The following RCL1 variants were observed in gnomAD, a reference collection of about 807,000 sequenced individuals.
The protein encoded by RCL1 is RNA 3'-terminal phosphate cyclase-like protein.
A neutral mutation model predicts 42.4 loss-of-function variants in RCL1; 24 were observed. The observed-to-expected ratio is 0.57, with a 90% CI of 0.41 to 0.80. RCL1 has a LOEUF of 0.80. Among genes scored for constraint, RCL1 ranks in the 30% least tolerant of loss-of-function variants. The pLI, the probability that RCL1 is intolerant of heterozygous loss-of-function variation, is 0.00. For missense variants in RCL1, 578 were observed against 467.9 expected (o/e 1.24, Z -2.17); for synonymous variants, 228 against 177.3 (o/e 1.29, Z -2.27).
At chr9:4,832,122 C>T (rs1418920517) in intron 3 of RCL1, among the ~76,000 whole-genome samples, 4 of 152,208 alleles carry the variant, frequency 2.6e-5, no homozygotes, top group African/African-American at 9.6e-5. Flanking sequence ...GATTTGAATG[C>T]CATCTTTCTA....
chr9:4,856,848 C>T (rs374645743), intron 8 of RCL1, among the ~76,000 whole-genome samples: 2 of 152,288 alleles, frequency 1.3e-5, no homozygotes, highest in African/African-American at 4.8e-5. Context: ...TCTCTTAGCC[C>T]CTGATGCGCT....
At chr9:4,843,418 T>C (rs1817401039) in intron 6 of RCL1, among the ~76,000 whole-genome samples, 2 of 152,148 alleles carry the variant, frequency 1.3e-5, no homozygotes, top group African/African-American at 4.8e-5. Flanking sequence ...AGGAAAGCTG[T>C]GGAGGCTGGC....
At chr9:4,794,423 G>A (rs1467242741) in intron 1 of RCL1, among the ~76,000 whole-genome samples, 1 of 152,198 alleles carries the variant, frequency 6.6e-6, no homozygotes, top group Admixed American at 6.5e-5. Flanking sequence ...AAAACACTGA[G>A]AAAGTTAGGG....
chr9:4,839,400 C>G (rs904741158), intron 5 of RCL1: 5 of 152,212 alleles, frequency 3.3e-5, no homozygotes, highest in Admixed American at 2.0e-4. Flanking sequence ...TGGCCCTCAA[C>G]ACAGGGTTAC....
Position 4,844,657 on chromosome 9 carries a change from G to C in RCL1, c.843G>C (p.Arg281=), listed in dbSNP as rs1263870636. The change falls in exon 7 of 9, where the codon CGG becomes CGC. Residue 281 remains arginine, a synonymous_variant. Coordinates refer to ENST00000381750, the MANE Select transcript of RCL1 (RefSeq NM_005772.5). ...AGGACCTTGGCAGGAACTGTGCCCG[G>C]CTGCTGCTGGAGGAAATCTACAGGG... is the stretch of plus-strand genomic sequence containing the variant. The part of the protein sequence containing the change: ...LPEDLGRNCA[R]LLLEEIYRGG... 1 of 1,613,464 alleles carries C rather than the reference G, an allele frequency of 6.2e-7. No individual in the cohort carries two copies. The highest frequency in any genetic ancestry group is 8.5e-7 in the Non-Finnish European group (1 of 1,179,852).
intron 3 of RCL1, among the ~76,000 whole-genome samples, chr9:4,829,936 C>A (rs922437485): frequency 3.3e-5 from 5 of 152,206 alleles, no homozygotes; most frequent in Non-Finnish European, 7.3e-5. Flanking sequence ...TAAGCTTCCT[C>A]TCTGCCCTCT....
chr9:4,840,845 G>C (rs1391192535), intron 5 of RCL1, among the ~76,000 whole-genome samples: 1 of 152,110 alleles, frequency 6.6e-6, no homozygotes, highest in Non-Finnish European at 1.5e-5. Context: ...AGTGGGAATG[G>C]ACAGAGAATA....
chr9:4,806,064 T>TGTGTG (rs1219639380), intron 1 of RCL1, among the ~76,000 whole-genome samples: 3,320 of 139,130 alleles, frequency 0.024, 63 homozygotes, highest in South Asian at 0.074. Context: ...GTGTGTGTGT[T>TGTGTG]TGTGTGTGTA....
chr9:4,827,225 G>T (rs1233148640), intron 3 of RCL1, 192 bp downstream of exon 3: 7 of 1,517,256 alleles, frequency 4.6e-6, no homozygotes. Context: ...TCAAATTCAG[G>T]ACTATTGTTA....
intron 8 of RCL1, 88 bp from the exon 9 acceptor site, chr9:4,860,037 A>G (rs1818110207): frequency 1.1e-6 from 1 of 910,694 alleles, no homozygotes; most frequent in Non-Finnish European, 1.6e-6. Context: ...GGTCTGGGAG[A>G]TTAAAACCTT....
At chr9:4,836,081 T>G (rs1478229183) in intron 5 of RCL1, among the ~76,000 whole-genome samples, 1 of 152,050 alleles carries the variant, frequency 6.6e-6, no homozygotes, top group Non-Finnish European at 1.5e-5. Context: ...ATGGTAAAGA[T>G]GTGCCTTCAC....
At chr9:4,850,486 T>G (rs1322712364) in intron 8 of RCL1, 1 of 176,880 alleles carries the variant, frequency 5.7e-6, no homozygotes, top group Non-Finnish European at 1.2e-5. Context: ...TGGAGGCTTT[T>G]TTTTTTCTTT....
At chr9:4,795,899 G>A (rs891152925) in intron 1 of RCL1, among the ~76,000 whole-genome samples, 30 of 152,144 alleles carry the variant, frequency 2.0e-4, no homozygotes, top group Non-Finnish European at 1.5e-5. Flanking sequence ...CATGTAAGTA[G>A]GATGTTACTA....
intron 8 of RCL1, among the ~76,000 whole-genome samples, chr9:4,859,120 C>T (rs1818070369): frequency 6.6e-6 from 1 of 152,188 alleles, no homozygotes. Context: ...TGGGGTGACG[C>T]TAGGTCTGCC....
At chr9:4,817,861 A>C (rs960189543) in intron 1 of RCL1, among the ~76,000 whole-genome samples, 2 of 137,910 alleles carry the variant, frequency 1.5e-5, no homozygotes, top group African/African-American at 5.5e-5. Context: ...TTGGCTTGTA[A>C]TTTTGTTTCA....
intron 1 of RCL1, among the ~76,000 whole-genome samples, chr9:4,821,836 T>C (rs1816606987): frequency 6.6e-6 from 1 of 152,242 alleles, no homozygotes; most frequent in South Asian, 2.1e-4. Flanking sequence ...TCCACTCCTG[T>C]GATAATGGCA....
At chr9:4,816,466 A>G (rs1816382026) in intron 1 of RCL1, among the ~76,000 whole-genome samples, 1 of 152,230 alleles carries the variant, frequency 6.6e-6, no homozygotes. Flanking sequence ...TTAAAATAGA[A>G]TTTGACTGAG....
At chr9:4,845,454 G>T (rs1817481135) in intron 7 of RCL1, among the ~76,000 whole-genome samples, 1 of 152,216 alleles carries the variant, frequency 6.6e-6, no homozygotes, top group Non-Finnish European at 1.5e-5. Context: ...ACATATGCAT[G>T]CACACACTTT....
chr9:4,831,121 T>A (rs1445519243), intron 3 of RCL1, among the ~76,000 whole-genome samples: 1 of 152,206 alleles, frequency 6.6e-6, no homozygotes, highest in East Asian at 1.9e-4. Flanking sequence ...CAAGCCCTCA[T>A]CTGCTTTTCC....
Sources: allele counts gnomAD v4.1 joint callset (sites outside exome capture counted in the v4.1 genomes callset), GRCh38; gene constraint gnomAD v4.1.1; transcripts MANE v1.5; gene names NCBI Gene and HGNC (gene_info 2026-07-23, HGNC 2026-07-21).